The following COBL variants were observed in gnomAD, a reference collection of about 807,000 sequenced individuals.
COBL encodes the protein protein cordon-bleu.
COBL carries 51 observed loss-of-function variants against 98.8 expected under a neutral mutation model. That is an observed-to-expected ratio of 0.52 (90% CI 0.41 to 0.65). COBL has a LOEUF of 0.65. Ranked by LOEUF, COBL falls within the 30% of genes least tolerant of loss-of-function variation. The pLI is 0.00. For missense variants in COBL, 1,617 were observed against 1,617.5 expected (o/e 1.00, Z 0.01); for synonymous variants, 634 against 651.7 (o/e 0.97, Z 0.41).
intron 1 of COBL, among the ~76,000 whole-genome samples, chr7:51,241,790 T>G (rs545195326): frequency 6.6e-6 from 1 of 152,308 alleles, no homozygotes; most frequent in East Asian, 1.9e-4. Flanking sequence ...GTTCCTCAGC[T>G]GCTCACAAGG....
chr7:51,201,883 A>G (rs1357038154), intron 2 of COBL, among the ~76,000 whole-genome samples: 1 of 152,234 alleles, frequency 6.6e-6, no homozygotes, highest in African/African-American at 2.4e-5. Flanking sequence ...AAGATATTAA[A>G]TGGAAAATTT....
chr7:51,238,036 G>T (rs192892614), intron 1 of COBL, among the ~76,000 whole-genome samples: 1 of 152,336 alleles, frequency 6.6e-6, no homozygotes, highest in East Asian at 1.9e-4. Context: ...AGAAGGAAAA[G>T]GAAGTTCCAC....
intron 1 of COBL, among the ~76,000 whole-genome samples, chr7:51,235,435 C>A (rs1795166417): frequency 6.6e-6 from 1 of 152,140 alleles, no homozygotes; most frequent in Admixed American, 6.5e-5. Flanking sequence ...CGTCCAAGAA[C>A]CTCTTGGGCC....
chr7:51,224,903 C>A (rs932028813), intron 1 of COBL, among the ~76,000 whole-genome samples: 1 of 152,150 alleles, frequency 6.6e-6, no homozygotes, highest in African/African-American at 2.4e-5. Context: ...CTCAGGTGAT[C>A]CGCCTGCATG....
At chr7:51,263,416 T>C (rs1433877583) in intron 1 of COBL, among the ~76,000 whole-genome samples, 1 of 152,018 alleles carries the variant, frequency 6.6e-6, no homozygotes. Context: ...GGCAGCAATA[T>C]GGGGGGTGGA....
At chr7:51,301,698 C>T (rs1173292907) in intron 1 of COBL, among the ~76,000 whole-genome samples, 1 of 152,222 alleles carries the variant, frequency 6.6e-6, no homozygotes, top group Non-Finnish European at 1.5e-5. Context: ...ATTGCCTGCC[C>T]ACCGCTACGT....
chr7:51,263,436 T>C (rs938707131), intron 1 of COBL, among the ~76,000 whole-genome samples: 1 of 152,028 alleles, frequency 6.6e-6, no homozygotes. Flanking sequence ...ATAAGGAAAG[T>C]AGGAGGCTGG....
At chr7:51,068,640 T>C (rs75308017) in intron 7 of COBL, among the ~76,000 whole-genome samples, 12,334 of 152,262 alleles carry the variant, frequency 0.081, 661 homozygotes, top group East Asian at 0.32. Context: ...TATTACTCGA[T>C]GGTGAGTGAT....
intron 7 of COBL, among the ~76,000 whole-genome samples, chr7:51,081,061 A>T (rs1385709837): frequency 6.6e-6 from 1 of 152,188 alleles, no homozygotes; most frequent in Non-Finnish European, 1.5e-5. Context: ...ATGCTTGAAC[A>T]TGTGGTGCGC....
chr7:51,023,960 G>A (rs73351849), intron 12 of COBL, among the ~76,000 whole-genome samples: 1,992 of 152,284 alleles, frequency 0.013, 50 homozygotes, highest in African/African-American at 0.044. Flanking sequence ...CTTTAGCACC[G>A]AATGCTTGGG....
chr7:51,241,838 G>A (rs2129123781), intron 1 of COBL, among the ~76,000 whole-genome samples: 1 of 152,314 alleles, frequency 6.6e-6, no homozygotes, highest in Non-Finnish European at 1.5e-5. Context: ...CCTTCAGGGA[G>A]GAGTCCTCTC....
At chr7:51,128,899 C>G (rs1798477683) in intron 6 of COBL, among the ~76,000 whole-genome samples, 1 of 152,232 alleles carries the variant, frequency 6.6e-6, no homozygotes, top group Non-Finnish European at 1.5e-5. Context: ...TACCTGTGCC[C>G]AGACAGACTG....
rs375247613 is a variant in COBL at position 51,264,430 on chromosome 7, G to T, written c.42-44486C>A. ...TCACGCCTGTAATCCTACCAATTTG[G>T]GAGGTCAACACGGGTGGATCACCTG... On this transcript the variant is annotated intron_variant, in intron 1 of 12. Transcript: ENST00000265136. 4.9e-4 allele frequency among the ~76,000 whole-genome samples: 75 copies of T among 152,212 alleles called. No homozygotes were observed. The South Asian group carries it at 0.015, about 30-fold the overall frequency.
chr7:51,157,267 G>A (rs1786261170), intron 5 of COBL, among the ~76,000 whole-genome samples: 1 of 152,216 alleles, frequency 6.6e-6, no homozygotes, highest in Non-Finnish European at 1.5e-5. Context: ...CAGCTACCTG[G>A]GAGGCTGAGG....
intron 5 of COBL, among the ~76,000 whole-genome samples, chr7:51,169,372 C>A (rs1458707602): frequency 1.3e-5 from 2 of 152,146 alleles, no homozygotes; most frequent in Non-Finnish European, 2.9e-5. Flanking sequence ...TGTACCCCAA[C>A]CCCCTCAGGC....
At chr7:51,076,496 C>T (rs1057387231) in intron 7 of COBL, among the ~76,000 whole-genome samples, 11 of 152,298 alleles carry the variant, frequency 7.2e-5, no homozygotes, top group Admixed American at 2.6e-4. Flanking sequence ...ATTCGCAATT[C>T]GCAGTTCCTC....
chr7:51,040,464 C>T (rs1401371852), intron 8 of COBL, among the ~76,000 whole-genome samples: 1 of 152,142 alleles, frequency 6.6e-6, no homozygotes, highest in East Asian at 1.9e-4. Flanking sequence ...GCCCCCATTT[C>T]CTAAAAACTA....
chr7:51,297,172 A>C (rs1378574868), intron 1 of COBL, among the ~76,000 whole-genome samples: 2 of 151,954 alleles, frequency 1.3e-5, no homozygotes, highest in Non-Finnish European at 2.9e-5. Flanking sequence ...GAAGAATCCC[A>C]CCCTCATTTT....
chr7:51,108,470 G>C (rs907719563), intron 6 of COBL, among the ~76,000 whole-genome samples: 2 of 152,184 alleles, frequency 1.3e-5, no homozygotes, highest in Non-Finnish European at 2.9e-5. Flanking sequence ...ACTGTTGGAG[G>C]TGCACACAGT....
Sources: gnomAD v4.1 joint callset for allele counts (sites outside exome capture counted in the v4.1 genomes callset) on GRCh38, gnomAD v4.1.1 for gene constraint, MANE v1.5 for transcripts, NCBI Gene and HGNC (gene_info 2026-07-23, HGNC 2026-07-21) for gene names.